The following GABRG3 variants were observed in gnomAD, a reference collection of about 807,000 sequenced individuals.
The protein encoded by GABRG3 is gamma-aminobutyric acid receptor subunit gamma-3.
A neutral mutation model predicts 48.8 loss-of-function variants in GABRG3; 25 were observed. The ratio of observed to expected loss-of-function variants is 0.51; its 90% CI spans 0.37 to 0.72. GABRG3 has a LOEUF of 0.72. GABRG3 is among the 30% of genes least tolerant of loss of function. The pLI, the probability that GABRG3 is intolerant of heterozygous loss-of-function variation, is 0.00. For synonymous variants in GABRG3, 227 were observed against 217.6 expected, an observed-to-expected ratio of 1.04 and a Z score of -0.38; for missense variants, 394 against 577.9, an observed-to-expected ratio of 0.68 and a Z score of 3.26.
chr15:27,231,360 T>C (rs1238146276), intron 3 of GABRG3, among the ~76,000 whole-genome samples: 7 of 152,228 alleles, frequency 4.6e-5, no homozygotes, highest in African/African-American at 1.7e-4. Context: ...CATGGATGAC[T>C]TTGCAGGCTG....
chr15:27,458,532 C>T (rs1889354400), intron 5 of GABRG3, among the ~76,000 whole-genome samples: 1 of 152,144 alleles, frequency 6.6e-6, no homozygotes, highest in Non-Finnish European at 1.5e-5. Flanking sequence ...ACAGCTGCCT[C>T]GCAATTTGAG....
chr15:27,501,965 A>C (rs1329826063), intron 6 of GABRG3, among the ~76,000 whole-genome samples: 1 of 152,150 alleles, frequency 6.6e-6, no homozygotes, highest in Non-Finnish European at 1.5e-5. Flanking sequence ...GCATTCTCAC[A>C]CATTGGCTAT....
chr15:27,116,019 G>A (rs147757146), intron 3 of GABRG3, among the ~76,000 whole-genome samples: 15 of 152,324 alleles, frequency 9.8e-5, no homozygotes, highest in Non-Finnish European at 1.6e-4. Flanking sequence ...CAGAGGGTGG[G>A]ATCCAGTGGA....
intron 6 of GABRG3, among the ~76,000 whole-genome samples, chr15:27,506,271 C>T (rs1890758269): frequency 6.6e-6 from 1 of 152,180 alleles, no homozygotes; most frequent in African/African-American, 2.4e-5. Context: ...TTATATGAGA[C>T]AGTTGAATTT....
intron 3 of GABRG3, among the ~76,000 whole-genome samples, chr15:27,052,996 A>G (rs1022224363): frequency 1.3e-5 from 2 of 152,214 alleles, no homozygotes; most frequent in East Asian, 3.9e-4. Flanking sequence ...ACATATCACC[A>G]TATACAAAAA....
intron 3 of GABRG3, among the ~76,000 whole-genome samples, chr15:27,274,291 C>T (rs561369756): frequency 6.6e-6 from 1 of 152,252 alleles, no homozygotes; most frequent in Non-Finnish European, 1.5e-5. Context: ...GTTGCTGTAA[C>T]ACGACACCTG....
At chr15:26,983,769 G>T (rs1895098539) in intron 2 of GABRG3, among the ~76,000 whole-genome samples, 1 of 152,112 alleles carries the variant, frequency 6.6e-6, no homozygotes, top group Non-Finnish European at 1.5e-5. Flanking sequence ...GCAAGAACCT[G>T]TCTCTAAAAG....
At chr15:27,469,459 G>A (rs1889718597) in intron 5 of GABRG3, among the ~76,000 whole-genome samples, 1 of 152,082 alleles carries the variant, frequency 6.6e-6, no homozygotes, top group Admixed American at 6.5e-5. Flanking sequence ...TCCGGCCTCA[G>A]CCTCCCAAGT....
At chr15:27,267,566 A>G (rs4270148) in intron 3 of GABRG3, among the ~76,000 whole-genome samples, 90,015 of 151,824 alleles carry the variant, frequency 0.59, 27,304 homozygotes, top group Non-Finnish European at 0.65. Flanking sequence ...CAGCCTCCCA[A>G]GCAGCTGAGA....
At chr15:27,502,864 C>T (rs1418662918) in intron 6 of GABRG3, among the ~76,000 whole-genome samples, 2 of 152,206 alleles carry the variant, frequency 1.3e-5, no homozygotes, top group African/African-American at 4.8e-5. Flanking sequence ...AGCTTCCCTC[C>T]CCATGGAGTT....
chr15:27,168,383 G>A (rs1283781146), intron 3 of GABRG3, among the ~76,000 whole-genome samples: 3 of 152,120 alleles, frequency 2.0e-5, no homozygotes, highest in East Asian at 1.9e-4. Context: ...AACACACACC[G>A]TGATTAAGCA....
intron 3 of GABRG3, among the ~76,000 whole-genome samples, chr15:27,139,146 C>A (rs1010349820): frequency 4.1e-4 from 62 of 152,272 alleles, no homozygotes; most frequent in African/African-American, 1.3e-3. Context: ...TGCCTGCAAG[C>A]TGGAGGACTG....
chr15:27,261,235 A>G (rs1168036304), intron 3 of GABRG3, among the ~76,000 whole-genome samples: 1 of 152,206 alleles, frequency 6.6e-6, no homozygotes, highest in Non-Finnish European at 1.5e-5. Flanking sequence ...TAGATTATTT[A>G]AAGTTACAAA....
chr15:27,527,127 A>G (rs1891296901), intron 7 of GABRG3, among the ~76,000 whole-genome samples: 1 of 152,230 alleles, frequency 6.6e-6, no homozygotes, highest in Non-Finnish European at 1.5e-5. Flanking sequence ...CGGAACATAT[A>G]GGACTGCCAA....
intron 3 of GABRG3, among the ~76,000 whole-genome samples, chr15:27,080,191 C>T (rs1052047712): frequency 6.6e-6 from 1 of 152,156 alleles, no homozygotes; most frequent in Non-Finnish European, 1.5e-5. Flanking sequence ...TGGCATGCAC[C>T]TGTAGTCCCA....
chr15:27,496,048 T>C (rs1890478956), intron 6 of GABRG3, among the ~76,000 whole-genome samples: 1 of 152,164 alleles, frequency 6.6e-6, no homozygotes, highest in African/African-American at 2.4e-5. Flanking sequence ...TGATACTCCA[T>C]GGGTGAGGTG....
intron 5 of GABRG3, among the ~76,000 whole-genome samples, chr15:27,336,231 AG>A (rs1384635085): frequency 0.02 from 2,801 of 137,984 alleles, 73 homozygotes; most frequent in African/African-American, 0.08. Flanking sequence ...AGAGAGAGAG[AG>A]AGGAGAAGAA....
chr15:27,175,836 G>C (rs1045629265), intron 3 of GABRG3, among the ~76,000 whole-genome samples: 3 of 152,128 alleles, frequency 2.0e-5, no homozygotes, highest in Non-Finnish European at 2.9e-5. Context: ...TGTAAGTGCT[G>C]GTTACAGTGA....
intron 3 of GABRG3, among the ~76,000 whole-genome samples, chr15:27,262,375 G>A (rs1315052400): frequency 6.6e-6 from 1 of 152,174 alleles, no homozygotes; most frequent in Non-Finnish European, 1.5e-5. Flanking sequence ...GAATGCAACA[G>A]GATGTGTAGA....
Sources: allele counts gnomAD v4.1 joint callset (sites outside exome capture counted in the v4.1 genomes callset), GRCh38; gene constraint gnomAD v4.1.1; transcripts MANE v1.5; gene names NCBI Gene and HGNC (gene_info 2026-07-23, HGNC 2026-07-21).